SLC35F4: variants seen among roughly 807,000 people sequenced by gnomAD.
The protein encoded by SLC35F4 is solute carrier family 35 member F4.
SLC35F4 carries 24 observed loss-of-function variants against 44.2 expected under a neutral mutation model. The observed-to-expected ratio is 0.54, with a 90% CI of 0.39 to 0.76. The LOEUF (loss-of-function observed/expected upper bound fraction) is 0.76, where lower values mean the gene tolerates loss of function less well. SLC35F4 is among the 30% of genes least tolerant of loss of function. The pLI is 0.00. For missense variants in SLC35F4, 562 were observed against 586.1 expected (o/e 0.96, Z 0.42); for synonymous variants, 238 against 223.6 (o/e 1.06, Z -0.57).
intron 1 of SLC35F4, among the ~76,000 whole-genome samples, chr14:57,925,749 T>G (rs546080974): frequency 5.4e-4 from 82 of 152,104 alleles, no homozygotes; most frequent in South Asian, 1.2e-3. Context: ...GGCTTGTTAT[T>G]ATAACACTTA....
At chr14:57,578,097 G>A (rs114532736) in intron 4 of SLC35F4, among the ~76,000 whole-genome samples, 261 of 137,110 alleles carry the variant, frequency 1.9e-3, no homozygotes, top group African/African-American at 6.7e-3. Flanking sequence ...TATTTATGAT[G>A]TTGTAACTTA....
intron 1 of SLC35F4, among the ~76,000 whole-genome samples, chr14:57,627,060 C>G (rs537105126): frequency 2.6e-5 from 4 of 152,220 alleles, no homozygotes; most frequent in Non-Finnish European, 5.9e-5. Flanking sequence ...ATGAAATTCA[C>G]AAGTCTATCC....
chr14:57,584,575 A>ATCAGAGC (rs1364787670), intron 3 of SLC35F4, among the ~76,000 whole-genome samples: 15 of 152,114 alleles, frequency 9.9e-5, no homozygotes, highest in African/African-American at 3.4e-4. Context: ...CAGAGATAGT[A>ATCAGAGC]TTTTCTGCTT....
intron 6 of SLC35F4, among the ~76,000 whole-genome samples, chr14:57,567,180 T>A (rs1344631571): frequency 6.6e-6 from 1 of 152,248 alleles, no homozygotes; most frequent in African/African-American, 2.4e-5. Context: ...TGCTCTTCAA[T>A]GAATACCTTT....
At chr14:57,934,844 A>T (rs531271396) in intron 1 of SLC35F4, among the ~76,000 whole-genome samples, 66 of 152,292 alleles carry the variant, frequency 4.3e-4, no homozygotes, top group African/African-American at 1.4e-3. Context: ...CTGACTTCAA[A>T]GTAAGAAAAG....
At chr14:57,570,061 G>A (rs1408547383) in intron 5 of SLC35F4, 81 bp from the exon 6 acceptor site, 1 of 1,300,174 alleles carries the variant, frequency 7.7e-7, no homozygotes. Flanking sequence ...CATACTGTGA[G>A]CTAACTGGCC....
At chr14:57,588,068 C>T (rs1434220854) in intron 3 of SLC35F4, among the ~76,000 whole-genome samples, 1 of 151,966 alleles carries the variant, frequency 6.6e-6, no homozygotes, top group Non-Finnish European at 1.5e-5. Context: ...CGCTTGTAAC[C>T]CAAGCTACTC....
intron 1 of SLC35F4, among the ~76,000 whole-genome samples, chr14:57,911,408 G>A (rs1288140797): frequency 6.6e-6 from 1 of 151,966 alleles, no homozygotes; most frequent in African/African-American, 2.4e-5. Context: ...TACGTATGAT[G>A]TTAGCTGTAG....
At chr14:57,869,723 A>C (rs1888256364), upstream of SLC35F4, among the ~76,000 whole-genome samples, 1 of 152,214 alleles carries the variant, frequency 6.6e-6, no homozygotes. Context: ...CAAGAAATTT[A>C]AACAGTGTTA....
chr14:57,722,085 A>G (rs1425956827), intron 1 of SLC35F4, among the ~76,000 whole-genome samples: 1 of 152,184 alleles, frequency 6.6e-6, no homozygotes, highest in Non-Finnish European at 1.5e-5. Context: ...TCTAATTTAT[A>G]TATGCAGCAA....
upstream of SLC35F4, among the ~76,000 whole-genome samples, chr14:57,867,256 G>T (rs1888192893): frequency 6.6e-6 from 1 of 152,134 alleles, no homozygotes; most frequent in African/African-American, 2.4e-5. Flanking sequence ...TCCACATTGT[G>T]TGTGGGCCCT....
intron 1 of SLC35F4, among the ~76,000 whole-genome samples, chr14:57,621,933 A>G (rs2072204181): frequency 6.6e-6 from 1 of 151,046 alleles, no homozygotes; most frequent in South Asian, 2.1e-4. Flanking sequence ...CAAAGGGCTA[A>G]TAACTAGAAT....
At chr14:57,701,592 T>G (rs2075543032) in intron 1 of SLC35F4, among the ~76,000 whole-genome samples, 1 of 152,204 alleles carries the variant, frequency 6.6e-6, no homozygotes, top group African/African-American at 2.4e-5. Context: ...TGTGCCATGA[T>G]GTCACTAAGC....
At chr14:57,921,128 A>G (rs917995200) in intron 1 of SLC35F4, among the ~76,000 whole-genome samples, 1 of 152,196 alleles carries the variant, frequency 6.6e-6, no homozygotes, top group Admixed American at 6.5e-5. Flanking sequence ...ACTGAACCAG[A>G]ACACACATCC....
intron 1 of SLC35F4, among the ~76,000 whole-genome samples, chr14:57,639,240 A>G (rs1456845053): frequency 6.6e-6 from 1 of 152,082 alleles, no homozygotes; most frequent in Non-Finnish European, 1.5e-5. Flanking sequence ...ATGACCCCAA[A>G]TTATTACACT....
At chr14:57,713,346 C>G (rs372090509) in intron 1 of SLC35F4, among the ~76,000 whole-genome samples, 41 of 152,298 alleles carry the variant, frequency 2.7e-4, no homozygotes, top group African/African-American at 9.9e-4. Context: ...CAGAATAAAA[C>G]TCAATGCCCT....
chr14:57,653,267 A>G (rs1326388052), intron 1 of SLC35F4, among the ~76,000 whole-genome samples: 1 of 152,206 alleles, frequency 6.6e-6, no homozygotes, highest in African/African-American at 2.4e-5. Flanking sequence ...ACAAGGCCCA[A>G]TAAAATGAGG....
intron 1 of SLC35F4, among the ~76,000 whole-genome samples, chr14:57,964,991 A>AAATATATATATATATATATAT (rs1555331532): frequency 2.6e-5 from 3 of 115,676 alleles, no homozygotes; most frequent in Admixed American, 1.7e-4. Flanking sequence ...AAAAAAAAAA[A>AAATATATATATATATATATAT]ATATATATAT....
chr14:57,721,879 A>C (rs2076093901), intron 1 of SLC35F4, among the ~76,000 whole-genome samples: 1 of 152,136 alleles, frequency 6.6e-6, no homozygotes, highest in African/African-American at 2.4e-5. Flanking sequence ...CTCCTGAGGC[A>C]ACAGTGATGG....
Sources: gnomAD v4.1 joint callset for allele counts (sites outside exome capture counted in the v4.1 genomes callset) on GRCh38, gnomAD v4.1.1 for gene constraint, MANE v1.5 for transcripts, NCBI Gene and HGNC (gene_info 2026-07-23, HGNC 2026-07-21) for gene names.